The following IL1R2 variants were observed in gnomAD, a reference collection of about 807,000 sequenced individuals.
The protein encoded by IL1R2 is interleukin-1 receptor type 2.
A neutral mutation model predicts 39.5 loss-of-function variants in IL1R2; 46 were observed. The ratio of observed to expected loss-of-function variants is 1.16; its 90% CI spans 0.92 to 1.49. IL1R2 has a LOEUF of 1.49. Among genes scored for constraint, IL1R2 ranks in the 40% most tolerant of loss-of-function variants. The pLI is 0.00. For missense variants in IL1R2, 537 were observed against 502.0 expected, an observed-to-expected ratio of 1.07 and a Z score of -0.67; for synonymous variants, 207 against 189.6, an observed-to-expected ratio of 1.09 and a Z score of -0.75.
chr2:102,002,469 G>C (rs200506116), intron 1 of IL1R2, among the ~76,000 whole-genome samples: 2 of 104,098 alleles, frequency 1.9e-5, no homozygotes, highest in Non-Finnish European at 3.7e-5. Context: ...GTCTCTGTCT[G>C]TGTCTGTGTC....
At chr2:101,998,719 C>T (rs567799072) in intron 1 of IL1R2, among the ~76,000 whole-genome samples, 1 of 152,172 alleles carries the variant, frequency 6.6e-6, no homozygotes, top group African/African-American at 2.4e-5. Flanking sequence ...TCAACCAATG[C>T]CCTACATGTG....
intron 3 of IL1R2, among the ~76,000 whole-genome samples, chr2:102,010,430 G>A (rs1279320319): frequency 6.6e-6 from 1 of 152,098 alleles, no homozygotes; most frequent in Non-Finnish European, 1.5e-5. Context: ...AAAAAAATTA[G>A]CTGGGCATGG....
intron 8 of IL1R2, among the ~76,000 whole-genome samples, chr2:102,026,945 T>A (rs1365139451): frequency 1.3e-5 from 2 of 152,102 alleles, no homozygotes; most frequent in Non-Finnish European, 2.9e-5. Flanking sequence ...AGCAATAACA[T>A]AAATACAAAT....
intron 1 of IL1R2, among the ~76,000 whole-genome samples, chr2:101,993,786 C>A (rs950449150): frequency 5.3e-5 from 8 of 152,208 alleles, no homozygotes; most frequent in Non-Finnish European, 8.8e-5. Flanking sequence ...CCTCTACCCC[C>A]ACCCACAACT....
chr2:102,016,967 G>C (rs1232371932), intron 4 of IL1R2, among the ~76,000 whole-genome samples: 1 of 152,100 alleles, frequency 6.6e-6, no homozygotes, highest in Non-Finnish European at 1.5e-5. Flanking sequence ...GTTGAGTAAA[G>C]GTACTTGAAA....
At chr2:102,010,498 C>A (rs1035920859) in intron 3 of IL1R2, among the ~76,000 whole-genome samples, 1 of 151,470 alleles carries the variant, frequency 6.6e-6, no homozygotes, top group African/African-American at 2.4e-5. Context: ...ATGGCGTGAA[C>A]CCAGGAGATG....
At position 101,996,139 on chromosome 2, in the gene IL1R2, A is replaced by C. The variant is rs545173768; in HGVS notation, c.-62+4128A>C. 1.0e-3 allele frequency among the ~76,000 whole-genome samples: 150 copies of C among 149,190 alleles called. 3 individuals carry two copies. The highest frequency in any genetic ancestry group is 3.4e-3 in the Middle Eastern group (1 of 292). The stretch of plus-strand genomic sequence containing the variant: ...GGTTCAGAGAAGTGAATATTGGTGA[A>C]CATGAGTGTACCCACCATGTAGGGT... On this transcript the variant is annotated intron_variant, in intron 1 of 8. Coordinates refer to ENST00000332549, the MANE Select transcript of IL1R2 (RefSeq NM_004633.4).
chr2:102,006,857 C>A (rs1676297448), intron 1 of IL1R2, among the ~76,000 whole-genome samples: 1 of 152,212 alleles, frequency 6.6e-6, no homozygotes. Flanking sequence ...TGTGAGCAGA[C>A]AAGAGTGAGT....
At chr2:101,993,359 G>T (rs1675437426) in intron 1 of IL1R2, among the ~76,000 whole-genome samples, 1 of 152,118 alleles carries the variant, frequency 6.6e-6, no homozygotes, top group Non-Finnish European at 1.5e-5. Context: ...GGTCAAGGGT[G>T]ATGAGGAGTA....
chr2:102,008,077 G>GCATTCCCTTCCC (rs1293301317), intron 1 of IL1R2, among the ~76,000 whole-genome samples: 2 of 152,304 alleles, frequency 1.3e-5, no homozygotes, highest in Middle Eastern at 3.4e-3. Flanking sequence ...CACAGAGAAT[G>GCATTCCCTTCCC]ACAGGGAAGG....
intron 1 of IL1R2, among the ~76,000 whole-genome samples, chr2:101,999,834 A>G (rs1292825637): frequency 1.3e-5 from 2 of 152,178 alleles, no homozygotes; most frequent in Non-Finnish European, 2.9e-5. Flanking sequence ...ATGCATCTGT[A>G]TGTATTTAGA....
intron 1 of IL1R2, among the ~76,000 whole-genome samples, chr2:101,997,909 G>A (rs1176143113): frequency 6.6e-6 from 1 of 152,100 alleles, no homozygotes; most frequent in Non-Finnish European, 1.5e-5. Flanking sequence ...CCCTCCTTTA[G>A]CCCTGGAGCC....
chr2:102,026,456 G>T (rs565578862), intron 8 of IL1R2, among the ~76,000 whole-genome samples: 11 of 152,298 alleles, frequency 7.2e-5, no homozygotes, highest in Non-Finnish European at 1.5e-4. Context: ...ATACTCAAAT[G>T]AAAAATTTAA....
At chr2:102,026,676 G>A (rs1677765809) in intron 8 of IL1R2, among the ~76,000 whole-genome samples, 1 of 152,140 alleles carries the variant, frequency 6.6e-6, no homozygotes, top group South Asian at 2.1e-4. Context: ...GGCAGCTTTA[G>A]GGTCAAAGTC....
At chr2:102,025,200 C>A (rs893949537) in intron 7 of IL1R2, among the ~76,000 whole-genome samples, 16 of 152,318 alleles carry the variant, frequency 1.1e-4, no homozygotes, top group African/African-American at 3.8e-4. Flanking sequence ...ACAATCAGAC[C>A]TTTTGTAAGT....
rs1676883685 is a variant in IL1R2, at chr2:102,014,760, T to C, written c.333-1111T>C. 2.6e-5 allele frequency among the ~76,000 whole-genome samples: 4 copies of C among 151,966 alleles called. 1 individual carries two copies. The South Asian group carries it at 8.3e-4, about 31-fold the overall frequency. ...GTCTCTGTCAAAGTCTCATGTGTTT[T>C]AGGTAGCCAGAAATTTAGCTGAGAT... is the stretch of plus-strand genomic sequence containing the variant. On this transcript the variant is annotated intron_variant, in intron 3 of 8. Transcript: ENST00000332549.
chr2:102,008,484 T>C, intron 1 of IL1R2, 31 bp from the exon 2 acceptor site: 1 of 969,924 alleles, frequency 1.0e-6, no homozygotes. Context: ...GGGTTCTTGG[T>C]TCCTGGTGAC....
intron 1 of IL1R2, among the ~76,000 whole-genome samples, chr2:101,994,964 G>T (rs1156251799): frequency 6.6e-6 from 1 of 152,220 alleles, no homozygotes; most frequent in Non-Finnish European, 1.5e-5. Flanking sequence ...TTAAATGTCT[G>T]TGGTAGGCAG....
At chr2:101,994,995 T>G (rs1379649863) in intron 1 of IL1R2, among the ~76,000 whole-genome samples, 1 of 152,260 alleles carries the variant, frequency 6.6e-6, no homozygotes, top group Non-Finnish European at 1.5e-5. Context: ...TGACTCTGGC[T>G]GATCCATGCC....
Sources: gnomAD v4.1 joint callset for allele counts (sites outside exome capture counted in the v4.1 genomes callset) on GRCh38, gnomAD v4.1.1 for gene constraint, MANE v1.5 for transcripts, NCBI Gene and HGNC (gene_info 2026-07-23, HGNC 2026-07-21) for gene names.